Variants in C14orf132 observed in about 807,000 individuals in gnomAD.
The protein encoded by C14orf132 is chromosome 14 open reading frame 132, also known as uncharacterized protein C14orf132.
A neutral mutation model predicts 5.8 loss-of-function variants in C14orf132; 6 were observed. The observed-to-expected ratio is 1.03, with a 90% CI of 0.57 to 2.04. The LOEUF (loss-of-function observed/expected upper bound fraction) is 2.04, where lower values mean the gene tolerates loss of function less well. Among genes scored for constraint, C14orf132 ranks in the 30% most tolerant of loss-of-function variants. C14orf132 has a pLI of 0.00. For synonymous variants in C14orf132, 51 were observed against 49.8 expected (o/e 1.02, Z -0.10); for missense variants, 125 against 115.8 (o/e 1.08, Z -0.37).
chr14:96,091,089 A>G lies in C14orf132; in HGVS notation c.*4354A>G. 2.2e-6 allele frequency: 1 copy of G among 445,288 alleles called. No homozygotes were observed. The allele number at this position is 445,288 out of a possible 1,614,324, so 27.6% of individuals were successfully genotyped here. A position where few individuals can be genotyped will look rare whatever the true frequency, so the allele number is the denominator to read the frequency against. ...TAATTACTGTCGCATTTTTCTGTGG[A>G]GAAAACTGAGGCCAGGGCTGAACGC... On this transcript the variant is annotated 3_prime_UTR_variant, in exon 2 of 2. Coordinates refer to ENST00000555004, the MANE Select transcript of C14orf132 (RefSeq NM_001252507.3).
intron 1 of C14orf132, among the ~76,000 whole-genome samples, chr14:96,081,995 C>T (rs1888045206): frequency 6.6e-6 from 1 of 152,176 alleles, no homozygotes; most frequent in African/African-American, 2.4e-5. Context: ...CCCCAGGTCA[C>T]CCTGTGTTGT....
Position 96,060,163 on chromosome 14 carries a change from C to A in C14orf132, c.27+20636C>A, listed in dbSNP as rs146940128. ...TTGTAGCATTCCTGAGGACTTCTCC[C>A]TCCCTATCGGCTAGATTGTCATTTG... On this transcript the variant is annotated intron_variant, in intron 1 of 1. Coordinates refer to ENST00000555004, the MANE Select transcript of C14orf132 (RefSeq NM_001252507.3). Among the ~76,000 whole-genome samples the A allele has an allele frequency of 6.9e-3, 1,057 of 152,316 alleles. 18 individuals carry two copies. Among genetic ancestry groups the A allele is most frequent in the African/African-American group, 0.024 (998 of 41,566 alleles).
intron 1 of C14orf132, among the ~76,000 whole-genome samples, chr14:96,057,569 G>T (rs951526429): frequency 6.6e-6 from 1 of 152,172 alleles, no homozygotes; most frequent in African/African-American, 2.4e-5. Flanking sequence ...GGCTGAAGGA[G>T]CTCATTGAAC....
In C14orf132 at chr14:96,086,960, C is replaced by T. The variant is rs1386996675; in HGVS notation, c.*225C>T. 1.1e-4 allele frequency: 65 copies of T among 578,062 alleles called. 1 individual carries two copies. The Middle Eastern group carries it at 1.9e-3, about 17-fold the overall frequency. 35.8% of individuals were successfully genotyped at this position (578,062 alleles called of 1,614,324 possible). On this transcript the variant is annotated 3_prime_UTR_variant, in exon 2 of 2. Coordinates refer to ENST00000555004, the MANE Select transcript of C14orf132 (RefSeq NM_001252507.3). ...GGGCCTCCTGCCCCTAGAGGCATGA[C>T]GGGGCAAGGCCTTCAGAGGGCAGAT... is the stretch of plus-strand genomic sequence containing the variant.
chr14:96,080,750 A>G (rs1888006096), intron 1 of C14orf132, among the ~76,000 whole-genome samples: 2 of 151,996 alleles, frequency 1.3e-5, no homozygotes, highest in Admixed American at 1.3e-4. Context: ...CATTTTCCAC[A>G]ATGGCCCGGA....
intron 1 of C14orf132, among the ~76,000 whole-genome samples, chr14:96,075,531 G>A (rs1887836810): frequency 6.6e-6 from 1 of 152,074 alleles, no homozygotes; most frequent in Non-Finnish European, 1.5e-5. Context: ...TTCACCATTA[G>A]GTATAATGTT....
At chr14:96,077,007 C>T (rs538930538) in intron 1 of C14orf132, among the ~76,000 whole-genome samples, 2 of 152,318 alleles carry the variant, frequency 1.3e-5, no homozygotes, top group South Asian at 4.1e-4. Context: ...GATCAGAAGA[C>T]ATATTTCATA....
At chr14:96,051,748 G>A (rs546014776) in intron 1 of C14orf132, among the ~76,000 whole-genome samples, 5 of 152,218 alleles carry the variant, frequency 3.3e-5, no homozygotes, top group Middle Eastern at 3.4e-3. Flanking sequence ...GTCCTGCTGC[G>A]TATCCCAATA....
intron 1 of C14orf132, among the ~76,000 whole-genome samples, chr14:96,076,899 G>C (rs10131144): frequency 0.28 from 42,003 of 152,110 alleles, 6,048 homozygotes; most frequent in Non-Finnish European, 0.33. Flanking sequence ...CTTCCCTCTT[G>C]ATCCATGGAT....
At chr14:96,065,160 G>A (rs561488715) in intron 1 of C14orf132, among the ~76,000 whole-genome samples, 28 of 152,250 alleles carry the variant, frequency 1.8e-4, no homozygotes, top group African/African-American at 5.8e-4. Flanking sequence ...GTTCTGAGCC[G>A]GATTGTGTTG....
At position 96,044,901 on chromosome 14, in the gene C14orf132, A is replaced by G. The variant is rs147243929; in HGVS notation, c.27+5374A>G. ...ATCTGCAGAGACTCTGTTTCTAAATAAGGACATATTCAGAGGACCCAGGAT... is the reference window on the plus strand; with the variant it reads ...ATCTGCAGAGACTCTGTTTCTAAATGAGGACATATTCAGAGGACCCAGGAT... On this transcript the variant is annotated intron_variant, in intron 1 of 1. Transcript: ENST00000555004. Among the ~76,000 whole-genome samples the G allele has an allele frequency of 4.5e-4, 68 of 152,274 alleles. No homozygotes were observed. The East Asian group carries it at 0.012, about 27-fold the overall frequency.
At chr14:96,064,371 C>CAT in intron 1 of C14orf132, among the ~76,000 whole-genome samples, 1 of 148,110 alleles carries the variant, frequency 6.8e-6, no homozygotes. Flanking sequence ...TATACACACA[C>CAT]ACACACACAC....
intron 1 of C14orf132, among the ~76,000 whole-genome samples, chr14:96,066,603 A>G (rs1230704301): frequency 2.0e-5 from 3 of 152,086 alleles, no homozygotes; most frequent in Non-Finnish European, 4.4e-5. Context: ...AAATATTTTT[A>G]GCATCTGCTC....
chr14:96,083,633 A>G (rs1888092332), intron 1 of C14orf132, among the ~76,000 whole-genome samples: 1 of 152,236 alleles, frequency 6.6e-6, no homozygotes, highest in Admixed American at 6.5e-5. Context: ...GAGCCCAGGA[A>G]TGTGAGCGGC....
intron 1 of C14orf132, among the ~76,000 whole-genome samples, chr14:96,048,618 C>T (rs906237880): frequency 6.6e-6 from 1 of 151,990 alleles, no homozygotes; most frequent in South Asian, 2.1e-4. Flanking sequence ...TCTGCCCCCC[C>T]GGGTTCAAGT....
At chr14:96,071,007 A>G (rs1010223842) in intron 1 of C14orf132, among the ~76,000 whole-genome samples, 4 of 152,336 alleles carry the variant, frequency 2.6e-5, no homozygotes, top group Admixed American at 2.6e-4. Context: ...AAGGGGAAGC[A>G]ACATCCAATG....
chr14:96,086,964 G>A lies in C14orf132; in HGVS notation c.*229G>A, dbSNP rs796240329. ...CTCCTGCCCCTAGAGGCATGACGGG[G>A]CAAGGCCTTCAGAGGGCAGATTGGG... On this transcript the variant is annotated 3_prime_UTR_variant, in exon 2 of 2. Coordinates refer to ENST00000555004, the MANE Select transcript of C14orf132 (RefSeq NM_001252507.3). 6 of 575,532 alleles carry A rather than the reference G, an allele frequency of 1.0e-5. No homozygotes were observed. Among genetic ancestry groups the A allele is most frequent in the African/African-American group, 9.3e-5 (5 of 53,694 alleles). The allele number at this position is 575,532 out of a possible 1,614,324, so 35.7% of individuals were successfully genotyped here.
chr14:96,067,808 C>A (rs1187711113), intron 1 of C14orf132, among the ~76,000 whole-genome samples: 1 of 152,078 alleles, frequency 6.6e-6, no homozygotes, highest in African/African-American at 2.4e-5. Context: ...AGCTTAGGTG[C>A]TCTTTGAGGG....
chr14:96,083,997 G>C (rs1165886411), intron 1 of C14orf132, among the ~76,000 whole-genome samples: 3 of 152,176 alleles, frequency 2.0e-5, no homozygotes, highest in African/African-American at 7.2e-5. Flanking sequence ...CCTGGTTGGC[G>C]GGAGCCCTAC....
Sources: gnomAD v4.1 joint callset for allele counts (sites outside exome capture counted in the v4.1 genomes callset) on GRCh38, gnomAD v4.1.1 for gene constraint, MANE v1.5 for transcripts, NCBI Gene and HGNC (gene_info 2026-07-23, HGNC 2026-07-21) for gene names.